Variants in YPEL2 observed in about 807,000 individuals in gnomAD.
YPEL2 encodes protein yippee-like 2.
In YPEL2, 2 loss-of-function variants were observed where a neutral mutation model predicts 19.1. The ratio of observed to expected loss-of-function variants is 0.10; its 90% confidence interval spans 0.04 to 0.33. The LOEUF (loss-of-function observed/expected upper bound fraction) is 0.33. YPEL2 is among the 10% of genes least tolerant of loss of function. YPEL2 has a pLI of 1.00. For missense variants in YPEL2, 66 were observed against 140.7 expected, an observed-to-expected ratio of 0.47 and a Z score of 2.68; for synonymous variants, 52 against 50.0, an observed-to-expected ratio of 1.04 and a Z score of -0.17.
At chr17:59,343,804 G>A (rs1053719897) in intron 1 of YPEL2, among the ~76,000 whole-genome samples, 1 of 152,150 alleles carries the variant, frequency 6.6e-6, no homozygotes, top group Non-Finnish European at 1.5e-5. Flanking sequence ...GAAAGTGTGT[G>A]ATCAGGTTGT....
At chr17:59,387,115 C>T (rs1040372358) in intron 2 of YPEL2, among the ~76,000 whole-genome samples, 2 of 151,872 alleles carry the variant, frequency 1.3e-5, no homozygotes, top group Non-Finnish European at 2.9e-5. Context: ...CAAAAATTAG[C>T]CGGGTGTTGT....
At chr17:59,345,452 G>T (rs1481819166) in intron 1 of YPEL2, among the ~76,000 whole-genome samples, 2 of 152,092 alleles carry the variant, frequency 1.3e-5, no homozygotes, top group Non-Finnish European at 2.9e-5. Context: ...CAGCTCCTTG[G>T]CAGCTTTAAT....
chr17:59,355,400 T>C (rs756451544), intron 2 of YPEL2: 4 of 152,208 alleles, frequency 2.6e-5, no homozygotes, highest in Non-Finnish European at 5.9e-5. Context: ...TTATGTCTTA[T>C]CTGTTTGGCC....
intron 2 of YPEL2, chr17:59,362,954 T>G (rs2047848755): frequency 6.6e-6 from 1 of 152,152 alleles, no homozygotes; most frequent in African/African-American, 2.4e-5. Context: ...ACCTAGATGG[T>G]AGGGATAAGA....
At chr17:59,390,975 A>G (rs2048004507) in intron 4 of YPEL2, among the ~76,000 whole-genome samples, 2 of 152,238 alleles carry the variant, frequency 1.3e-5, no homozygotes, top group Non-Finnish European at 2.9e-5. Flanking sequence ...CACCTTGCAT[A>G]GAGCATATGT....
chr17:59,395,024 G>A (rs964330815), intron 4 of YPEL2, among the ~76,000 whole-genome samples: 1 of 152,252 alleles, frequency 6.6e-6, no homozygotes, highest in African/African-American at 2.4e-5. Flanking sequence ...GTTGCAGTGA[G>A]TCGAGATGGC....
intron 2 of YPEL2, among the ~76,000 whole-genome samples, chr17:59,380,276 T>C (rs1208535456): frequency 2.8e-3 from 91 of 32,006 alleles, no homozygotes; most frequent in African/African-American, 0.015. Context: ...TAACTTCTTT[T>C]TTTTTTTTTT....
intron 2 of YPEL2, among the ~76,000 whole-genome samples, chr17:59,369,706 G>A (rs188701060): frequency 2.0e-4 from 31 of 152,364 alleles, no homozygotes; most frequent in South Asian, 4.1e-4. Flanking sequence ...TCAGTACTTG[G>A]AAGATACACG....
chr17:59,360,293 G>A (rs1486149423), intron 2 of YPEL2, among the ~76,000 whole-genome samples: 1 of 152,152 alleles, frequency 6.6e-6, no homozygotes, highest in Non-Finnish European at 1.5e-5. Flanking sequence ...TGGCCAGGAT[G>A]GTCTTGAACC....
At chr17:59,335,695 C>T (rs1246511118) in intron 1 of YPEL2, among the ~76,000 whole-genome samples, 1 of 152,006 alleles carries the variant, frequency 6.6e-6, no homozygotes, top group African/African-American at 2.4e-5. Flanking sequence ...ATTACAGGCG[C>T]ACCCCACCAC....
intron 2 of YPEL2, among the ~76,000 whole-genome samples, chr17:59,380,851 C>T (rs561338544): frequency 2.6e-5 from 4 of 152,342 alleles, no homozygotes; most frequent in Non-Finnish European, 5.9e-5. Context: ...TTGGGAGCTT[C>T]AGTCCCATCC....
chr17:59,355,113 A>G (rs918955749), intron 2 of YPEL2: 1 of 151,974 alleles, frequency 6.6e-6, no homozygotes, highest in African/African-American at 2.4e-5. Context: ...GTATTTTAGC[A>G]CCCTTTATGT....
At chr17:59,361,858 C>G (rs1306426923) in intron 2 of YPEL2, among the ~76,000 whole-genome samples, 1 of 152,130 alleles carries the variant, frequency 6.6e-6, no homozygotes, top group African/African-American at 2.4e-5. Context: ...TGAAGTGTGC[C>G]TGGAAGCAGA....
chr17:59,371,377 A>G (rs1344821494), intron 2 of YPEL2, among the ~76,000 whole-genome samples: 3 of 152,220 alleles, frequency 2.0e-5, no homozygotes, highest in African/African-American at 7.2e-5. Flanking sequence ...GCCTGTCCCC[A>G]ATCCTCCACT....
At chr17:59,384,900 T>C (rs2047972726) in intron 2 of YPEL2, among the ~76,000 whole-genome samples, 1 of 152,222 alleles carries the variant, frequency 6.6e-6, no homozygotes, top group Non-Finnish European at 1.5e-5. Flanking sequence ...TGCTTCCTGT[T>C]ACTTTCCTGT....
At chr17:59,394,277 G>A (rs1425094961) in intron 4 of YPEL2, among the ~76,000 whole-genome samples, 2 of 151,622 alleles carry the variant, frequency 1.3e-5, no homozygotes, top group East Asian at 1.9e-4. Context: ...TGGGCGGAGG[G>A]TCTCCTCACT....
intron 1 of YPEL2, among the ~76,000 whole-genome samples, chr17:59,338,497 T>C (rs1420621795): frequency 1.3e-5 from 2 of 152,228 alleles, no homozygotes; most frequent in Non-Finnish European, 2.9e-5. Context: ...TTTTGATCCC[T>C]ATTTTTGAGA....
intron 1 of YPEL2, among the ~76,000 whole-genome samples, chr17:59,350,139 CTG>C (rs1458984859): frequency 6.6e-6 from 1 of 151,872 alleles, no homozygotes; most frequent in African/African-American, 2.4e-5. Flanking sequence ...GGAGTGAACA[CTG>C]TGCACTGCAG....
chr17:59,394,181 C>T (rs1349072278), intron 4 of YPEL2, among the ~76,000 whole-genome samples: 6 of 151,656 alleles, frequency 4.0e-5, no homozygotes, highest in South Asian at 2.1e-4. Flanking sequence ...GGCGGCTGGC[C>T]GGGCGGGGGG....
Sources: gnomAD v4.1 joint callset for allele counts (sites outside exome capture counted in the v4.1 genomes callset) on GRCh38, gnomAD v4.1.1 for gene constraint, MANE v1.5 for transcripts, NCBI Gene and HGNC (gene_info 2026-07-23, HGNC 2026-07-21) for gene names.